Variants in SRPK2 observed in about 807,000 individuals in gnomAD.
SRPK2 encodes the protein SFRS protein kinase 2.
In SRPK2, 21 loss-of-function variants were observed where a neutral mutation model predicts 90.8. The observed-to-expected ratio is 0.23, with a 90% CI of 0.16 to 0.33. SRPK2 has a LOEUF of 0.33. Ranked by LOEUF, SRPK2 falls within the 10% of genes least tolerant of loss-of-function variation. The pLI, the probability that SRPK2 is intolerant of heterozygous loss-of-function variation, is 1.00. For missense variants in SRPK2, 620 were observed against 869.0 expected (o/e 0.71, Z 3.60); for synonymous variants, 288 against 311.1 (o/e 0.93, Z 0.78).
intron 2 of SRPK2, among the ~76,000 whole-genome samples, chr7:105,240,899 G>A (rs1025303808): frequency 2.0e-5 from 3 of 152,124 alleles, no homozygotes; most frequent in African/African-American, 7.2e-5. Context: ...TCAGTACTAT[G>A]CCAGTTCACA....
chr7:105,181,895 AACAGAAAAC>A (rs920619914), intron 3 of SRPK2, among the ~76,000 whole-genome samples: 10 of 145,028 alleles, frequency 6.9e-5, no homozygotes, highest in Non-Finnish European at 1.4e-4. Context: ...AAAAAAAAAA[AACAGAAAAC>A]ACACACACAA....
chr7:105,319,504 C>CGGGGGGGGGGGGGGGG (rs796955446), intron 2 of SRPK2, among the ~76,000 whole-genome samples: 2 of 5,286 alleles, frequency 3.8e-4, no homozygotes, highest in African/African-American at 2.7e-4. Flanking sequence ...GCACTTGCGG[C>CGGGGGGGGGGGGGGGG]GGGGGGGGGG....
At position 105,281,104 on chromosome 7, in the gene SRPK2, C is replaced by G. The variant is rs538618480; in HGVS notation, c.72-77319G>C. 2.5e-4 allele frequency among the ~76,000 whole-genome samples: 38 copies of G among 151,258 alleles called. No individual in the cohort carries two copies. The East Asian group carries it at 7.2e-3, about 29-fold the overall frequency. On this transcript the variant is annotated intron_variant, in intron 2 of 15. Coordinates refer to ENST00000393651, the MANE Select transcript of SRPK2 (RefSeq NM_182692.3). ...TGTATTTGTTGTTTGGTTTTTCCCC[C>G]GCTTTTTCTGAGACAGGAGTCTCTC...
At chr7:105,229,842 G>A (rs997377067) in intron 2 of SRPK2, among the ~76,000 whole-genome samples, 2 of 152,200 alleles carry the variant, frequency 1.3e-5, no homozygotes, top group Non-Finnish European at 2.9e-5. Flanking sequence ...AATCAACAGC[G>A]AAGCTGAGTC....
intron 2 of SRPK2, among the ~76,000 whole-genome samples, chr7:105,301,107 G>A (rs1041806165): frequency 3.3e-5 from 5 of 152,104 alleles, no homozygotes; most frequent in Non-Finnish European, 7.4e-5. Flanking sequence ...GCAAAGACTG[G>A]GAACCAACCC....
intron 2 of SRPK2, among the ~76,000 whole-genome samples, chr7:105,313,576 C>A (rs1811970373): frequency 6.6e-6 from 1 of 151,994 alleles, no homozygotes. Flanking sequence ...ACAGTGAAAC[C>A]CCATCTCTAC....
At chr7:105,273,022 T>C (rs1340041908) in intron 2 of SRPK2, among the ~76,000 whole-genome samples, 4 of 152,050 alleles carry the variant, frequency 2.6e-5, no homozygotes, top group African/African-American at 9.7e-5. Flanking sequence ...GAGACCATCC[T>C]GGCTAACATG....
chr7:105,228,172 G>T (rs1186875099), intron 2 of SRPK2, among the ~76,000 whole-genome samples: 1 of 152,012 alleles, frequency 6.6e-6, no homozygotes, highest in East Asian at 1.9e-4. Flanking sequence ...TAGAGATGTG[G>T]GCCATGGCAC....
chr7:105,142,993 C>T (rs1381227520), intron 10 of SRPK2, 91 bp downstream of exon 10: 4 of 1,489,474 alleles, frequency 2.7e-6, no homozygotes, highest in Non-Finnish European at 3.6e-6. Flanking sequence ...TCTGCAGCAG[C>T]AGCACAAATC....
At chr7:105,372,778 A>G (rs1819846667) in intron 2 of SRPK2, among the ~76,000 whole-genome samples, 3 of 152,150 alleles carry the variant, frequency 2.0e-5, no homozygotes, top group Admixed American at 1.3e-4. Context: ...CAAACAGAAT[A>G]CAAGACAATA....
At chr7:105,166,522 T>C (rs923727204) in intron 6 of SRPK2, among the ~76,000 whole-genome samples, 9 of 152,230 alleles carry the variant, frequency 5.9e-5, no homozygotes, top group Non-Finnish European at 8.8e-5. Context: ...AAAAGATAGA[T>C]GGATCAATTA....
At chr7:105,301,489 C>A in intron 2 of SRPK2, 1 of 1,114,040 alleles carries the variant, frequency 9.0e-7, no homozygotes, top group Admixed American at 1.7e-5. Flanking sequence ...CAAGCACCGT[C>A]CACTCAGGAG....
At chr7:105,285,647 A>T (rs1026341709) in intron 2 of SRPK2, among the ~76,000 whole-genome samples, 3 of 152,060 alleles carry the variant, frequency 2.0e-5, no homozygotes, top group African/African-American at 7.2e-5. Flanking sequence ...CTTGGTGACA[A>T]GTGAGTTCAC....
At chr7:105,172,652 G>C (rs1397962895) in intron 3 of SRPK2, among the ~76,000 whole-genome samples, 1 of 152,168 alleles carries the variant, frequency 6.6e-6, no homozygotes, top group African/African-American at 2.4e-5. Flanking sequence ...AAGTATCATA[G>C]ATTATGAAGT....
intron 2 of SRPK2, among the ~76,000 whole-genome samples, chr7:105,357,854 C>A (rs1012739810): frequency 6.6e-6 from 1 of 152,048 alleles, no homozygotes; most frequent in Non-Finnish European, 1.5e-5. Context: ...ATAGCCTTTG[C>A]CCATACAGGG....
intron 2 of SRPK2, among the ~76,000 whole-genome samples, chr7:105,249,046 C>CGTG (rs1441668251): frequency 1.3e-5 from 2 of 152,150 alleles, no homozygotes; most frequent in Non-Finnish European, 2.9e-5. Context: ...TGACCAAGGA[C>CGTG]ATCACACCTC....
chr7:105,348,502 G>A (rs896250956), intron 2 of SRPK2, among the ~76,000 whole-genome samples: 2 of 145,608 alleles, frequency 1.4e-5, no homozygotes, highest in Admixed American at 7.1e-5. Context: ...ACGGCTCACT[G>A]CAACCTCCAC....
At chr7:105,271,190 C>T (rs973063514) in intron 2 of SRPK2, among the ~76,000 whole-genome samples, 6 of 152,330 alleles carry the variant, frequency 3.9e-5, no homozygotes, top group African/African-American at 1.4e-4. Context: ...AAAGTTCACA[C>T]TTCAGTATAC....
chr7:105,339,503 C>T (rs1488333796), intron 2 of SRPK2, among the ~76,000 whole-genome samples: 1 of 152,116 alleles, frequency 6.6e-6, no homozygotes, highest in Non-Finnish European at 1.5e-5. Context: ...GAAGAAACAT[C>T]CACCTGAGAT....
Sources: allele counts gnomAD v4.1 joint callset (sites outside exome capture counted in the v4.1 genomes callset), GRCh38; gene constraint gnomAD v4.1.1; transcripts MANE v1.5; gene names NCBI Gene and HGNC (gene_info 2026-07-23, HGNC 2026-07-21).